The following TAFA1 variants were observed in gnomAD, a reference collection of about 807,000 sequenced individuals.
TAFA1 encodes TAFA chemokine like family member 1, also known as chemokine-like protein TAFA-1.
A neutral mutation model predicts 18.5 loss-of-function variants in TAFA1; 4 were observed. The ratio of observed to expected loss-of-function variants is 0.22; its 90% CI spans 0.11 to 0.49. The LOEUF is 0.49. Ranked by LOEUF, TAFA1 falls within the 20% of genes least tolerant of loss-of-function variation. The pLI is 0.98. For missense variants in TAFA1, 147 were observed against 169.0 expected, an observed-to-expected ratio of 0.87 and a Z score of 0.72; for synonymous variants, 56 against 55.2, an observed-to-expected ratio of 1.01 and a Z score of -0.06.
chr3:68,488,259 G>A (rs2106674551), intron 3 of TAFA1, among the ~76,000 whole-genome samples: 1 of 152,290 alleles, frequency 6.6e-6, no homozygotes, highest in East Asian at 1.9e-4. Flanking sequence ...TTCAAGGGCA[G>A]GAAGCATGCA....
chr3:68,092,210 A>T (rs1464497235), intron 2 of TAFA1, among the ~76,000 whole-genome samples: 1 of 152,164 alleles, frequency 6.6e-6, no homozygotes, highest in Non-Finnish European at 1.5e-5. Context: ...GCTTGAGAGC[A>T]TTAATGAATG....
chr3:68,317,814 G>T (rs2068630276), intron 2 of TAFA1, among the ~76,000 whole-genome samples: 1 of 152,138 alleles, frequency 6.6e-6, no homozygotes, highest in African/African-American at 2.4e-5. Context: ...ATCTGTCGAG[G>T]TGGTTTTTAT....
At chr3:68,325,079 T>C (rs1419492079) in intron 2 of TAFA1, among the ~76,000 whole-genome samples, 2 of 151,932 alleles carry the variant, frequency 1.3e-5, no homozygotes, top group African/African-American at 4.9e-5. Flanking sequence ...GTCAAGAGTG[T>C]GTCTGTCTCT....
At chr3:68,324,723 C>G (rs1375169700) in intron 2 of TAFA1, among the ~76,000 whole-genome samples, 1 of 152,074 alleles carries the variant, frequency 6.6e-6, no homozygotes, top group Non-Finnish European at 1.5e-5. Context: ...ATTAAAATGG[C>G]AAAACTGCAA....
chr3:68,482,358 G>A (rs1013144332), intron 3 of TAFA1, among the ~76,000 whole-genome samples: 36 of 152,074 alleles, frequency 2.4e-4, no homozygotes, highest in Non-Finnish European at 4.0e-4. Context: ...TTTGGATATT[G>A]TAGACACCAA....
At chr3:68,219,723 T>C (rs2066706376) in intron 2 of TAFA1, among the ~76,000 whole-genome samples, 1 of 152,178 alleles carries the variant, frequency 6.6e-6, no homozygotes, top group South Asian at 2.1e-4. Context: ...CAAAGTCAAC[T>C]GATTAGTAAC....
chr3:68,019,360 A>G (rs542056143), intron 2 of TAFA1, among the ~76,000 whole-genome samples: 2 of 152,078 alleles, frequency 1.3e-5, no homozygotes, highest in African/African-American at 2.4e-5. Context: ...ATTCTTTTAG[A>G]CTCCATAGAC....
intron 2 of TAFA1, among the ~76,000 whole-genome samples, chr3:68,020,717 C>T (rs1409610334): frequency 6.6e-6 from 1 of 152,178 alleles, no homozygotes; most frequent in East Asian, 1.9e-4. Flanking sequence ...TAATAAAATC[C>T]ATGTACTCAT....
chr3:68,080,283 T>C (rs936896459), intron 2 of TAFA1, among the ~76,000 whole-genome samples: 16 of 152,228 alleles, frequency 1.1e-4, no homozygotes, highest in Admixed American at 2.0e-4. Flanking sequence ...CCAGTCTGTG[T>C]CTTTTAATTG....
intron 2 of TAFA1, chr3:68,145,750 A>C: frequency 3.3e-6 from 2 of 606,354 alleles, no homozygotes; most frequent in Non-Finnish European, 5.9e-6. Context: ...ATTCCTTACT[A>C]TGTGATAAAA....
At chr3:68,367,570 G>A (rs2069598131) in intron 2 of TAFA1, among the ~76,000 whole-genome samples, 1 of 152,172 alleles carries the variant, frequency 6.6e-6, no homozygotes, top group Non-Finnish European at 1.5e-5. Flanking sequence ...TGGAAAAGCT[G>A]TGATCATCAA....
intron 2 of TAFA1, among the ~76,000 whole-genome samples, chr3:68,223,027 G>T (rs528654299): frequency 6.6e-6 from 1 of 151,936 alleles, no homozygotes; most frequent in African/African-American, 2.4e-5. Flanking sequence ...CTTCATTATG[G>T]CATTTTTTTC....
At chr3:68,194,597 A>G (rs996981871) in intron 2 of TAFA1, among the ~76,000 whole-genome samples, 5 of 151,876 alleles carry the variant, frequency 3.3e-5, no homozygotes, top group African/African-American at 1.2e-4. Context: ...GGGAGTACAT[A>G]ATATCTATGT....
intron 2 of TAFA1, among the ~76,000 whole-genome samples, chr3:68,369,592 A>G (rs1339169595): frequency 2.0e-5 from 3 of 152,180 alleles, no homozygotes; most frequent in African/African-American, 4.8e-5. Context: ...ATATTGTCCT[A>G]TGTAGTTTCT....
chr3:68,080,669 C>G (rs6548974), intron 2 of TAFA1, among the ~76,000 whole-genome samples: 74,966 of 152,052 alleles, frequency 0.49, 18,890 homozygotes, highest in South Asian at 0.64. Context: ...TGTAGGGTTT[C>G]TGCCGAGAGA....
chr3:68,269,657 C>A (rs540204518), intron 2 of TAFA1, among the ~76,000 whole-genome samples: 2 of 152,066 alleles, frequency 1.3e-5, no homozygotes, highest in Non-Finnish European at 2.9e-5. Context: ...AGTGATGGCT[C>A]ATGCCTATAA....
chr3:68,355,832 T>A (rs979918881), intron 2 of TAFA1, among the ~76,000 whole-genome samples: 1 of 152,010 alleles, frequency 6.6e-6, no homozygotes, highest in African/African-American at 2.4e-5. Flanking sequence ...GAGCAACCTG[T>A]CACTTATGGT....
intron 2 of TAFA1, among the ~76,000 whole-genome samples, chr3:68,091,922 AAC>A (rs1442942327): frequency 6.6e-6 from 1 of 152,158 alleles, no homozygotes; most frequent in Non-Finnish European, 1.5e-5. Context: ...TGGTTTCCTT[AAC>A]AGTTTTCACC....
At chr3:68,083,101 C>G (rs1271096213) in intron 2 of TAFA1, among the ~76,000 whole-genome samples, 2 of 152,132 alleles carry the variant, frequency 1.3e-5, no homozygotes, top group Admixed American at 1.3e-4. Context: ...AGAGTACTCA[C>G]CAGCATAATG....
Sources: allele counts gnomAD v4.1 joint callset (sites outside exome capture counted in the v4.1 genomes callset), GRCh38; gene constraint gnomAD v4.1.1; transcripts MANE v1.5; gene names NCBI Gene and HGNC (gene_info 2026-07-23, HGNC 2026-07-21).